NLRP11: variants seen among roughly 807,000 people sequenced by gnomAD.
NLRP11 encodes the protein NACHT, LRR and PYD domains-containing protein 11.
A neutral mutation model predicts 79.3 loss-of-function variants in NLRP11; 53 were observed. The observed-to-expected ratio is 0.67, with a 90% CI of 0.54 to 0.84. NLRP11 has a LOEUF of 0.84. Ranked by LOEUF, NLRP11 falls within the 40% of genes least tolerant of loss-of-function variation. The pLI, the probability that NLRP11 is intolerant of heterozygous loss-of-function variation, is 0.00. For missense variants in NLRP11, 1,264 were observed against 1,255.0 expected, an observed-to-expected ratio of 1.01 and a Z score of -0.11; for synonymous variants, 518 against 462.6, an observed-to-expected ratio of 1.12 and a Z score of -1.54.
upstream of NLRP11, chr19:55,836,374 G>C (rs1434687433): frequency 6.6e-6 from 1 of 152,136 alleles, no homozygotes; most frequent in African/African-American, 2.4e-5. Context: ...ACGACACCAG[G>C]AGCAAAGGTC....
chr19:55,789,101 A>C (rs1414494516), intron 8 of NLRP11, 124 bp from the exon 9 acceptor site: 1 of 1,377,430 alleles, frequency 7.3e-7, no homozygotes, highest in Non-Finnish European at 1.0e-6. Context: ...TGACTGTGCA[A>C]TAAGAGTCCC....
At chr19:55,789,092 G>T (rs1363182293) in intron 8 of NLRP11, 115 bp from the exon 9 acceptor site, 5 of 1,400,418 alleles carry the variant, frequency 3.6e-6, no homozygotes, top group South Asian at 1.3e-5. Context: ...CAAAAGAACT[G>T]ACTGTGCAAT....
chr19:55,791,895 T>C (rs1340566518), intron 7 of NLRP11, among the ~76,000 whole-genome samples: 1 of 152,126 alleles, frequency 6.6e-6, no homozygotes, highest in Non-Finnish European at 1.5e-5. Context: ...CCTTTTCCAA[T>C]AAAGCTATTT....
At chr19:55,822,769 C>T (rs1391302048) in intron 1 of NLRP11, among the ~76,000 whole-genome samples, 6 of 152,008 alleles carry the variant, frequency 3.9e-5, no homozygotes, top group Admixed American at 3.9e-4. Flanking sequence ...CCTATGCCCA[C>T]GGAGTCTCGC....
exon 4 of NLRP11, chr19:55,807,919 T>C (rs1392078966): frequency 1.9e-6 from 3 of 1,612,070 alleles, no homozygotes; most frequent in South Asian, 2.2e-5. Flanking sequence ...TGAAATACCA[T>C]TAAGGTCATT....
chr19:55,822,273 T>A (rs1600201848), intron 1 of NLRP11, among the ~76,000 whole-genome samples: 1 of 151,640 alleles, frequency 6.6e-6, no homozygotes, highest in Non-Finnish European at 1.5e-5. Context: ...CAAAAAGAAA[T>A]AAAAAAAGAT....
At chr19:55,827,996 G>A (rs2122930242) in intron 1 of NLRP11, among the ~76,000 whole-genome samples, 1 of 151,672 alleles carries the variant, frequency 6.6e-6, no homozygotes, top group Middle Eastern at 3.4e-3. Flanking sequence ...ATTCACAATA[G>A]CAAAGACTTG....
In NLRP11 at chr19:55,788,741, C is replaced by CAAAAAAAAAAAA. The variant is rs58239530; in HGVS notation, c.2855+54_2855+65dup. ...GGCAACAGAGTGAGACTCTGTCTCT[C>CAAAAAAAAAAAA]AAAAAAAAAAAAAAAAAAAAAAAAA... is the stretch of plus-strand genomic sequence containing the variant. On this transcript the variant is annotated intron_variant, in intron 9 of 9. Coordinates refer to ENST00000589093, the Ensembl canonical transcript of NLRP11. 3 of 380,464 alleles carry CAAAAAAAAAAAA rather than the reference C, an allele frequency of 7.9e-6. No homozygotes were observed. The African/African-American group carries it at 1.8e-4, about 23-fold the overall frequency. 23.6% of individuals were successfully genotyped at this position (380,464 alleles called of 1,614,324 possible). A position where few individuals can be genotyped will look rare whatever the true frequency, so the allele number is the denominator to read the frequency against.
intron 6 of NLRP11, 107 bp downstream of exon 6, chr19:55,795,973 C>T (rs944871818): frequency 2.0e-6 from 2 of 994,168 alleles, no homozygotes; most frequent in Non-Finnish European, 1.5e-6. Context: ...GTGCTTTCGG[C>T]TGCTTTGCTT....
chr19:55,823,099 C>T (rs1380996202), intron 1 of NLRP11, among the ~76,000 whole-genome samples: 1 of 147,284 alleles, frequency 6.8e-6, no homozygotes, highest in Non-Finnish European at 1.5e-5. Flanking sequence ...AAGTGGGTCC[C>T]TGACCCCTGA....
chr19:55,805,345 G>A (rs1392858318), intron 4 of NLRP11, among the ~76,000 whole-genome samples: 1 of 151,954 alleles, frequency 6.6e-6, no homozygotes, highest in Middle Eastern at 3.2e-3. Flanking sequence ...GGCAAATCCA[G>A]GCATAGAACA....
In NLRP11 at chr19:55,817,820, G is replaced by GGAAAAAA. The variant is rs1555803816; in HGVS notation, c.271+83_271+84insTTTTTTC. 3.8e-3 allele frequency: 3,160 copies of GGAAAAAA among 834,836 alleles called. 13 individuals carry two copies. Among genetic ancestry groups the GGAAAAAA allele is most frequent in the African/African-American group, 6.7e-3 (342 of 51,098 alleles). 51.7% of individuals were successfully genotyped at this position (834,836 alleles called of 1,614,324 possible). A position where few individuals can be genotyped will look rare whatever the true frequency, so the allele number is the denominator to read the frequency against. On this transcript the variant is annotated intron_variant, in intron 2 of 9. Coordinates refer to ENST00000589093, the Ensembl canonical transcript of NLRP11. ...CACCTGCTTCCCAGAAACCTATTTAGAAAAAAAAAAAAAAAAAGGCCCAAC... is the reference window on the plus strand; with the variant it reads ...CACCTGCTTCCCAGAAACCTATTTAGGAAAAAAAAAAAAAAAAAAAAAAAGGCCCAAC...
chr19:55,805,048 C>G (rs1048007641), intron 4 of NLRP11, among the ~76,000 whole-genome samples: 7 of 151,910 alleles, frequency 4.6e-5, no homozygotes, highest in Non-Finnish European at 8.8e-5. Context: ...GGTGACAGAG[C>G]AAGACGCTGA....
intron 9 of NLRP11, among the ~76,000 whole-genome samples, chr19:55,788,572 C>T (rs148689661): frequency 8.6e-5 from 13 of 151,552 alleles, no homozygotes. Flanking sequence ...AACCCCGTCT[C>T]TACTAAAAAT....
At chr19:55,835,033 C>T (rs2072537383), upstream of NLRP11, among the ~76,000 whole-genome samples, 2 of 152,152 alleles carry the variant, frequency 1.3e-5, no homozygotes, top group African/African-American at 2.4e-5. Flanking sequence ...GTACATGAGT[C>T]TGCAAAGGTC....
At chr19:55,828,003 C>A (rs1467679896) in intron 1 of NLRP11, among the ~76,000 whole-genome samples, 4 of 151,466 alleles carry the variant, frequency 2.6e-5, no homozygotes, top group African/African-American at 7.3e-5. Context: ...ATAGCAAAGA[C>A]TTGGAACCAA....
intron 7 of NLRP11, among the ~76,000 whole-genome samples, chr19:55,790,703 T>C (rs942078221): frequency 6.6e-6 from 1 of 152,238 alleles, no homozygotes; most frequent in Non-Finnish European, 1.5e-5. Flanking sequence ...GGTGCATTCC[T>C]GTAGTCCTAG....
At chr19:55,828,032 A>G (rs548610579) in intron 1 of NLRP11, among the ~76,000 whole-genome samples, 16 of 150,942 alleles carry the variant, frequency 1.1e-4, no homozygotes, top group Admixed American at 4.6e-4. Context: ...TCCAACAATG[A>G]TAGACTGGAT....
chr19:55,803,513 C>A (rs1038572367), intron 4 of NLRP11, among the ~76,000 whole-genome samples: 6 of 151,876 alleles, frequency 4.0e-5, no homozygotes, highest in African/African-American at 1.2e-4. Flanking sequence ...ACTATCAGAG[C>A]AAACAGTCAA....
Sources: allele counts gnomAD v4.1 joint callset (sites outside exome capture counted in the v4.1 genomes callset), GRCh38; gene constraint gnomAD v4.1.1; transcripts MANE v1.5; gene names NCBI Gene and HGNC (gene_info 2026-07-23, HGNC 2026-07-21).